Variants in CAST observed in about 807,000 individuals in gnomAD.
The protein encoded by CAST is calpastatin.
A neutral mutation model predicts 119.6 loss-of-function variants in CAST; 76 were observed. The ratio of observed to expected loss-of-function variants is 0.64; its 90% confidence interval spans 0.53 to 0.77. CAST has a LOEUF of 0.77. Ranked by LOEUF, CAST falls within the 30% of genes least tolerant of loss-of-function variation. The pLI is 0.00. For synonymous variants in CAST, 319 were observed against 331.6 expected, an observed-to-expected ratio of 0.96 and a Z score of 0.41; for missense variants, 953 against 946.5, an observed-to-expected ratio of 1.01 and a Z score of -0.09.
chr5:96,238,356 T>TTCTTCTTCTTCA, the CAST span, among the ~76,000 whole-genome samples: 1 of 74,340 alleles, frequency 1.3e-5, no homozygotes, highest in Non-Finnish European at 3.3e-5. Context: ...CATCTTCATC[T>TTCTTCTTCTTCA]TCTTCTTCTC....
the CAST span, among the ~76,000 whole-genome samples, chr5:96,240,604 C>T: frequency 2.6e-5 from 4 of 152,134 alleles, no homozygotes; most frequent in East Asian, 5.8e-4. Context: ...TGATCTGTCA[C>T]CCAGGCTGGA....
chr5:96,239,474 T>C, the CAST span, among the ~76,000 whole-genome samples: 1 of 152,072 alleles, frequency 6.6e-6, no homozygotes, highest in African/African-American at 2.4e-5. Context: ...GTATAAACTT[T>C]ATTAGATTTC....
chr5:96,404,165 G>A, the CAST span, among the ~76,000 whole-genome samples: 1 of 152,114 alleles, frequency 6.6e-6, no homozygotes, highest in African/African-American at 2.4e-5. Flanking sequence ...ACCCTAATGG[G>A]TTTCTACACA....
At chr5:96,471,434 C>G in the CAST span, among the ~76,000 whole-genome samples, 30 of 152,262 alleles carry the variant, frequency 2.0e-4, no homozygotes, top group African/African-American at 7.0e-4. Context: ...CAGGTGTGAT[C>G]AGAGGAGTTT....
At chr5:96,423,377 C>T in the CAST span, 5 of 1,614,010 alleles carry the variant, frequency 3.1e-6, no homozygotes, top group South Asian at 1.1e-5. Context: ...GATAACAACT[C>T]CTTTGCCCGT....
At chr5:96,498,221 A>C in the CAST span, among the ~76,000 whole-genome samples, 1 of 152,092 alleles carries the variant, frequency 6.6e-6, no homozygotes, top group Admixed American at 6.6e-5. Flanking sequence ...ATTGGTCTAT[A>C]TCTGTGTTTT....
At chr5:96,285,597 G>C in the CAST span, among the ~76,000 whole-genome samples, 1 of 152,168 alleles carries the variant, frequency 6.6e-6, no homozygotes, top group African/African-American at 2.4e-5. Context: ...CCTTGAAAAA[G>C]AGAGAAACTT....
At chr5:96,654,122 C>T (rs1219310521) in intron 1 of CAST, among the ~76,000 whole-genome samples, 1 of 151,272 alleles carries the variant, frequency 6.6e-6, no homozygotes, top group East Asian at 1.9e-4. Context: ...CTCCCGGATT[C>T]AAGGAATTAT....
chr5:96,772,277 C>T (rs1284967807), intron 31 of CAST: 1 of 153,612 alleles, frequency 6.5e-6, no homozygotes, highest in Admixed American at 6.5e-5. Context: ...TTTCTGAGAT[C>T]TTCAGAACTG....
At chr5:96,652,938 C>A (rs1748112735) in intron 1 of CAST, among the ~76,000 whole-genome samples, 1 of 152,098 alleles carries the variant, frequency 6.6e-6, no homozygotes, top group Non-Finnish European at 1.5e-5. Context: ...GAGACCACAC[C>A]CTCTTACCCA....
At chr5:96,387,053 A>G in the CAST span, among the ~76,000 whole-genome samples, 24 of 152,366 alleles carry the variant, frequency 1.6e-4, no homozygotes, top group Middle Eastern at 6.8e-3. Flanking sequence ...CAGCAAATGC[A>G]TAAGAGGTAG....
intron 3 of CAST, among the ~76,000 whole-genome samples, chr5:96,704,500 A>G (rs941015950): frequency 6.6e-6 from 1 of 152,246 alleles, no homozygotes; most frequent in Non-Finnish European, 1.5e-5. Flanking sequence ...TTCATTGTTT[A>G]TAATCACAGT....
chr5:96,479,305 T>C, the CAST span, among the ~76,000 whole-genome samples: 1 of 152,188 alleles, frequency 6.6e-6, no homozygotes, highest in Non-Finnish European at 1.5e-5. Context: ...AATCAACTTT[T>C]TGACACTAGC....
At chr5:96,021,063 C>A in the CAST span, among the ~76,000 whole-genome samples, 1 of 151,784 alleles carries the variant, frequency 6.6e-6, no homozygotes. Context: ...ATTTTATTTC[C>A]TATTTTATTA....
chr5:96,620,184 G>A (rs1026798280), intron 1 of CAST, among the ~76,000 whole-genome samples: 4 of 152,072 alleles, frequency 2.6e-5, no homozygotes, highest in African/African-American at 9.7e-5. Context: ...GTCCTCTAGA[G>A]CCTGTAGGGC....
the CAST span, among the ~76,000 whole-genome samples, chr5:96,322,422 C>T: frequency 1.5e-4 from 23 of 152,142 alleles, no homozygotes; most frequent in East Asian, 7.7e-4. Context: ...CCTCTCCAAC[C>T]GGGAGCCACA....
the CAST span, among the ~76,000 whole-genome samples, chr5:96,131,394 T>A: frequency 1.3e-5 from 2 of 151,760 alleles, no homozygotes; most frequent in African/African-American, 4.8e-5. Flanking sequence ...GGAATGCAGC[T>A]GTAAATTTAA....
At chr5:96,073,971 T>TGCA in the CAST span, among the ~76,000 whole-genome samples, 1 of 152,302 alleles carries the variant, frequency 6.6e-6, no homozygotes, top group Non-Finnish European at 1.5e-5. Flanking sequence ...CCCCATTCTA[T>TGCA]GGTGTGCTGT....
chr5:96,071,925 G>C, the CAST span, among the ~76,000 whole-genome samples: 2 of 151,946 alleles, frequency 1.3e-5, no homozygotes, highest in African/African-American at 4.8e-5. Flanking sequence ...GAAGCTGACC[G>C]GTACATGGGT....
Sources: allele counts gnomAD v4.1 joint callset (sites outside exome capture counted in the v4.1 genomes callset), GRCh38; gene constraint gnomAD v4.1.1; transcripts MANE v1.5; gene names NCBI Gene and HGNC (gene_info 2026-07-23, HGNC 2026-07-21).